GPM6A: variants seen among roughly 807,000 people sequenced by gnomAD.
GPM6A encodes the protein glycoprotein M6A.
A neutral mutation model predicts 32.1 loss-of-function variants in GPM6A; 7 were observed. The observed-to-expected ratio is 0.22, with a 90% CI of 0.12 to 0.41. The LOEUF (loss-of-function observed/expected upper bound fraction) is 0.41. Among genes scored for constraint, GPM6A ranks in the 10% least tolerant of loss-of-function variants. The pLI is 1.00. For synonymous variants in GPM6A, 130 were observed against 123.4 expected, an observed-to-expected ratio of 1.05 and a Z score of -0.35; for missense variants, 235 against 347.2, an observed-to-expected ratio of 0.68 and a Z score of 2.57.
chr4:175,881,393 G>T (rs1275372989), intron 1 of GPM6A, among the ~76,000 whole-genome samples: 2 of 152,178 alleles, frequency 1.3e-5, no homozygotes, highest in Non-Finnish European at 2.9e-5. Context: ...TACCCTGTTG[G>T]TGGGACTGTA....
chr4:175,912,356 T>C (rs1327107748), intron 1 of GPM6A, among the ~76,000 whole-genome samples: 4 of 151,972 alleles, frequency 2.6e-5, no homozygotes, highest in Non-Finnish European at 4.4e-5. Context: ...CAACTCATGG[T>C]TCAAGCATAA....
chr4:175,686,551 A>G (rs531306582), intron 2 of GPM6A, among the ~76,000 whole-genome samples: 31 of 152,304 alleles, frequency 2.0e-4, no homozygotes, highest in African/African-American at 7.5e-4. Flanking sequence ...CAGAGATTAG[A>G]GTGCTGTGGC....
At chr4:175,649,484 C>T (rs1291733319) in intron 4 of GPM6A, among the ~76,000 whole-genome samples, 3 of 152,110 alleles carry the variant, frequency 2.0e-5, no homozygotes, top group Non-Finnish European at 2.9e-5. Context: ...TCTAGAGTCT[C>T]CCAATGTTTT....
At chr4:175,809,179 C>T (rs933064288) in intron 1 of GPM6A, among the ~76,000 whole-genome samples, 1 of 152,134 alleles carries the variant, frequency 6.6e-6, no homozygotes, top group Admixed American at 6.5e-5. Flanking sequence ...GTTCTAGAAA[C>T]AGTTGCATGG....
At chr4:175,706,124 A>T (rs1745173892) in intron 1 of GPM6A, among the ~76,000 whole-genome samples, 1 of 152,214 alleles carries the variant, frequency 6.6e-6, no homozygotes, top group South Asian at 2.1e-4. Context: ...GCATTTGCCC[A>T]AAGATTAGTG....
intron 2 of GPM6A, among the ~76,000 whole-genome samples, chr4:175,689,249 C>A (rs1418027108): frequency 6.6e-6 from 1 of 152,066 alleles, no homozygotes; most frequent in Non-Finnish European, 1.5e-5. Flanking sequence ...CAAAATATAC[C>A]ATTGTGATTT....
intron 1 of GPM6A, among the ~76,000 whole-genome samples, chr4:175,935,558 A>G (rs929136097): frequency 6.6e-6 from 1 of 152,188 alleles, no homozygotes; most frequent in Non-Finnish European, 1.5e-5. Context: ...ATTAGAATTT[A>G]AAAAAATCCC....
intron 1 of GPM6A, among the ~76,000 whole-genome samples, chr4:175,878,956 C>A (rs917315732): frequency 1.3e-5 from 2 of 152,158 alleles, no homozygotes; most frequent in Non-Finnish European, 2.9e-5. Flanking sequence ...TGCTTTGCTG[C>A]TTAGAAATTT....
chr4:175,995,008 T>C (rs954145664), intron 1 of GPM6A, among the ~76,000 whole-genome samples: 18 of 152,164 alleles, frequency 1.2e-4, no homozygotes, highest in African/African-American at 3.9e-4. Flanking sequence ...TCCATTCAAG[T>C]TTCATCATGA....
chr4:175,964,743 C>CTG (rs1415549814), intron 1 of GPM6A, among the ~76,000 whole-genome samples: 1 of 152,138 alleles, frequency 6.6e-6, no homozygotes, highest in Non-Finnish European at 1.5e-5. Context: ...CAGTCCATTA[C>CTG]ATTGTTAACA....
At chr4:175,951,860 T>G (rs1268492394) in intron 1 of GPM6A, among the ~76,000 whole-genome samples, 1 of 152,212 alleles carries the variant, frequency 6.6e-6, no homozygotes. Context: ...ATTCAATCAC[T>G]TGAAGGCCTG....
At chr4:175,957,611 T>C (rs989135345) in intron 1 of GPM6A, among the ~76,000 whole-genome samples, 1 of 152,108 alleles carries the variant, frequency 6.6e-6, no homozygotes, top group African/African-American at 2.4e-5. Flanking sequence ...ATACGTAATG[T>C]AGATGACCGG....
chr4:175,894,426 T>A (rs931222991), intron 1 of GPM6A, among the ~76,000 whole-genome samples: 12 of 152,088 alleles, frequency 7.9e-5, no homozygotes, highest in Admixed American at 5.9e-4. Flanking sequence ...TCACAAAATA[T>A]AAAAGACTAA....
chr4:175,665,209 C>T (rs1424671917), intron 3 of GPM6A, among the ~76,000 whole-genome samples: 4 of 152,142 alleles, frequency 2.6e-5, no homozygotes, highest in African/African-American at 9.7e-5. Context: ...TTATCACAGA[C>T]TTTAATCCCT....
chr4:175,821,597 T>TGTTGAGA (rs1269477457), intron 1 of GPM6A, among the ~76,000 whole-genome samples: 7 of 152,120 alleles, frequency 4.6e-5, no homozygotes, highest in Non-Finnish European at 1.0e-4. Context: ...TGAGATCTCT[T>TGTTGAGA]TCCATATGTT....
At chr4:175,959,461 G>A (rs1195168337) in intron 1 of GPM6A, among the ~76,000 whole-genome samples, 1 of 151,594 alleles carries the variant, frequency 6.6e-6, no homozygotes, top group East Asian at 1.9e-4. Flanking sequence ...CCCCACATAC[G>A]CACAGTTCAG....
At chr4:176,002,193 G>T in intron 1 of GPM6A, 5 of 1,156,282 alleles carry the variant, frequency 4.3e-6, no homozygotes, top group South Asian at 1.3e-5. Context: ...GGCGCGGGGG[G>T]AACAGAGCTG....
At chr4:175,722,173 G>A (rs1476216531) in intron 1 of GPM6A, among the ~76,000 whole-genome samples, 1 of 151,930 alleles carries the variant, frequency 6.6e-6, no homozygotes, top group African/African-American at 2.4e-5. Flanking sequence ...TGTAGTCCCA[G>A]CTACTTAGGA....
intron 1 of GPM6A, among the ~76,000 whole-genome samples, chr4:175,750,569 T>C (rs1473863506): frequency 1.3e-5 from 2 of 151,916 alleles, no homozygotes; most frequent in Non-Finnish European, 2.9e-5. Context: ...GTTGGGTTTT[T>C]CTATTTTAGC....
Sources: gnomAD v4.1 joint callset for allele counts (sites outside exome capture counted in the v4.1 genomes callset) on GRCh38, gnomAD v4.1.1 for gene constraint, MANE v1.5 for transcripts, NCBI Gene and HGNC (gene_info 2026-07-23, HGNC 2026-07-21) for gene names.